Variants in THRB observed in about 807,000 individuals in gnomAD.
THRB encodes thyroid hormone receptor beta, also known as nuclear receptor subfamily 1 group A member 2.
A neutral mutation model predicts 47.8 loss-of-function variants in THRB; 12 were observed. That is an observed-to-expected ratio of 0.25 (90% CI 0.16 to 0.41). The LOEUF is 0.41. THRB is among the 10% of genes least tolerant of loss of function. The pLI is 1.00. For synonymous variants in THRB, 218 were observed against 212.2 expected, an observed-to-expected ratio of 1.03 and a Z score of -0.24; for missense variants, 348 against 589.2, an observed-to-expected ratio of 0.59 and a Z score of 4.24.
At chr3:24,397,923 C>A (rs1446491026) in intron 1 of THRB, among the ~76,000 whole-genome samples, 3 of 152,052 alleles carry the variant, frequency 2.0e-5, no homozygotes, top group Non-Finnish European at 2.9e-5. Context: ...AGAGAGAAAT[C>A]CCTCTACTGG....
intron 1 of THRB, among the ~76,000 whole-genome samples, chr3:24,343,821 G>A (rs919069536): frequency 4.6e-5 from 7 of 151,038 alleles, no homozygotes; most frequent in African/African-American, 1.5e-4. Context: ...AATATTTATT[G>A]TATTGACTGT....
chr3:24,149,442 G>A (rs1345348222), intron 6 of THRB, among the ~76,000 whole-genome samples: 1 of 152,182 alleles, frequency 6.6e-6, no homozygotes, highest in East Asian at 1.9e-4. Flanking sequence ...GTAAGACCAC[G>A]CTAAGCAGAG....
At chr3:24,379,812 C>A (rs939441901) in intron 1 of THRB, among the ~76,000 whole-genome samples, 1 of 151,996 alleles carries the variant, frequency 6.6e-6, no homozygotes, top group African/African-American at 2.4e-5. Flanking sequence ...TCTCTTTAAA[C>A]CCTGTTACTT....
intron 3 of THRB, among the ~76,000 whole-genome samples, chr3:24,262,317 C>G (rs1345735780): frequency 6.6e-6 from 1 of 152,128 alleles, no homozygotes; most frequent in East Asian, 1.9e-4. Flanking sequence ...TCTTTGTCCC[C>G]CAACATTTTA....
chr3:24,361,450 T>C (rs2064059333), intron 1 of THRB, among the ~76,000 whole-genome samples: 1 of 152,084 alleles, frequency 6.6e-6, no homozygotes, highest in African/African-American at 2.4e-5. Context: ...AATGCCTAAA[T>C]ATGCCAACAG....
At chr3:24,280,699 G>C (rs2054480632) in intron 3 of THRB, among the ~76,000 whole-genome samples, 1 of 152,042 alleles carries the variant, frequency 6.6e-6, no homozygotes, top group African/African-American at 2.4e-5. Flanking sequence ...AAAAAACTTA[G>C]AAGAATGTAT....
At chr3:24,248,728 C>G (rs2050360228) in intron 3 of THRB, among the ~76,000 whole-genome samples, 1 of 152,166 alleles carries the variant, frequency 6.6e-6, no homozygotes, top group Non-Finnish European at 1.5e-5. Flanking sequence ...CAAAACCAGT[C>G]CCTTTGCGTC....
intron 1 of THRB, among the ~76,000 whole-genome samples, chr3:24,466,543 T>TA (rs1237606082): frequency 1.3e-5 from 2 of 152,182 alleles, no homozygotes; most frequent in Admixed American, 1.3e-4. Flanking sequence ...AATTCTTGTT[T>TA]AGAGTACCCT....
chr3:24,341,231 C>CATT (rs2062627872), intron 1 of THRB, among the ~76,000 whole-genome samples: 1 of 104,058 alleles, frequency 9.6e-6, no homozygotes, highest in African/African-American at 3.9e-5. Flanking sequence ...ATGAGATTAC[C>CATT]TTTTTTTTTT....
intron 1 of THRB, among the ~76,000 whole-genome samples, chr3:24,379,336 G>A (rs1218600303): frequency 1.3e-5 from 2 of 152,088 alleles, no homozygotes. Context: ...GATAGGAAAG[G>A]TCAACTGCTA....
chr3:24,297,562 G>A (rs1289656109), intron 2 of THRB, among the ~76,000 whole-genome samples, 191 bp from the exon 3 acceptor site: 1 of 152,210 alleles, frequency 6.6e-6, no homozygotes, highest in African/African-American at 2.4e-5. Flanking sequence ...CATATAGTAA[G>A]CACTTGCCTT....
Position 24,127,653 on chromosome 3 carries a change from C to T in THRB, c.990G>A (p.Leu330=). ...RYDPESETLT[L]NGEMAVTRGQ... is the part of the protein sequence containing the mutation. ...CCCGTGTCACTGCCATTTCCCCATTCAAGGTTAAAGTCTCACTTTCTGGGT... is the reference window on the plus strand; with the variant it reads ...CCCGTGTCACTGCCATTTCCCCATTTAAGGTTAAAGTCTCACTTTCTGGGT... Residue 330 remains leucine (L), a synonymous_variant, in exon 10 of 11, where the codon TTG becomes TTA. Transcript: ENST00000646209. 6.2e-7 allele frequency: 1 copy of T among 1,614,184 alleles called. No homozygotes were observed. Among genetic ancestry groups the T allele is most frequent in the East Asian group, 2.2e-5 (1 of 44,886 alleles).
Position 24,123,052 on chromosome 3 carries a change from A to G in THRB, c.1218T>C (p.Tyr406=). ...QDSFLLAFEH[Y]INYRKHHVTH... ...TCACGTGGTGTTTTCGGTAATTGATATAGTGTTCAAAGGCCAGCAGGAAAC... is the reference window on the plus strand; with the variant it reads ...TCACGTGGTGTTTTCGGTAATTGATGTAGTGTTCAAAGGCCAGCAGGAAAC... The change falls in exon 11 of 11, where the codon TAT becomes TAC. Residue 406 remains tyrosine (Y), a synonymous_variant. Transcript: ENST00000646209. The G allele has an allele frequency of 1.9e-6, 3 of 1,614,180 alleles. No individual in the cohort carries two copies. Among genetic ancestry groups the G allele is most frequent in the South Asian group, 2.2e-5 (2 of 91,080 alleles).
At chr3:24,275,600 A>T (rs2053839986) in intron 3 of THRB, among the ~76,000 whole-genome samples, 2 of 152,188 alleles carry the variant, frequency 1.3e-5, no homozygotes, top group African/African-American at 2.4e-5. Flanking sequence ...GGGGGGCCAT[A>T]CTTCTGTTTC....
At chr3:24,285,547 C>T in intron 3 of THRB, among the ~76,000 whole-genome samples, 1 of 151,152 alleles carries the variant, frequency 6.6e-6, no homozygotes, top group Non-Finnish European at 1.5e-5. Context: ...CTAACCTGCA[C>T]ATTGTGCACA....
At position 24,389,467 on chromosome 3, in the gene THRB, G is replaced by C. The variant is rs189433604; in HGVS notation, c.-260-52096C>G. Among the ~76,000 whole-genome samples the C allele has an allele frequency of 3.0e-4, 46 of 152,272 alleles. 1 individual carries two copies. The highest frequency in any genetic ancestry group is 1.5e-3 in the Admixed American group (23 of 15,294). ...TTTCACCTTTTATTATTATAGCAAC[G>C]CTTTAAGAAAGAAATGTAGTTAAGG... is the stretch of plus-strand genomic sequence containing the variant. On this transcript the variant is annotated intron_variant, in intron 1 of 10. Transcript: ENST00000646209.
At chr3:24,479,552 G>A (rs1696057070) in intron 1 of THRB, among the ~76,000 whole-genome samples, 1 of 152,168 alleles carries the variant, frequency 6.6e-6, no homozygotes, top group African/African-American at 2.4e-5. Flanking sequence ...AAGACAGTAT[G>A]GGAGGAAGAT....
chr3:24,130,871 A>G (rs2033750001), intron 9 of THRB, among the ~76,000 whole-genome samples: 2 of 152,236 alleles, frequency 1.3e-5, no homozygotes, highest in African/African-American at 4.8e-5. Context: ...GAAATGAACT[A>G]TAGATCCAGT....
intron 1 of THRB, among the ~76,000 whole-genome samples, chr3:24,471,337 C>T (rs934413172): frequency 6.6e-6 from 1 of 152,116 alleles, no homozygotes; most frequent in East Asian, 1.9e-4. Flanking sequence ...GATTATAACG[C>T]CGCTCAAGTT....
Sources: allele counts gnomAD v4.1 joint callset (sites outside exome capture counted in the v4.1 genomes callset), GRCh38; gene constraint gnomAD v4.1.1; transcripts MANE v1.5; gene names NCBI Gene and HGNC (gene_info 2026-07-23, HGNC 2026-07-21).